GULP1: variants seen among roughly 807,000 people sequenced by gnomAD.
The protein encoded by GULP1 is PTB domain-containing engulfment adapter protein 1.
GULP1 carries 19 observed loss-of-function variants against 40.9 expected under a neutral mutation model. The ratio of observed to expected loss-of-function variants is 0.46; its 90% CI spans 0.32 to 0.68. The LOEUF (loss-of-function observed/expected upper bound fraction) is 0.68, where lower values mean the gene tolerates loss of function less well. Ranked by LOEUF, GULP1 falls within the 30% of genes least tolerant of loss-of-function variation. The pLI is 0.03. For missense variants in GULP1, 312 were observed against 362.2 expected, an observed-to-expected ratio of 0.86 and a Z score of 1.12; for synonymous variants, 119 against 117.6, an observed-to-expected ratio of 1.01 and a Z score of -0.08.
At chr2:188,539,683 T>C (rs1042338388) in intron 6 of GULP1, among the ~76,000 whole-genome samples, 28 of 152,150 alleles carry the variant, frequency 1.8e-4, no homozygotes, top group Admixed American at 1.8e-3. Flanking sequence ...GCTTACCGTT[T>C]GGTTTACCAT....
At chr2:188,483,543 C>A in intron 4 of GULP1, 51 bp downstream of exon 4, 1 of 714,974 alleles carries the variant, frequency 1.4e-6, no homozygotes, top group Non-Finnish European at 2.3e-6. Context: ...AGTATCATTA[C>A]TAATTCATGG....
chr2:188,497,552 G>T (rs1268762984), intron 4 of GULP1, among the ~76,000 whole-genome samples: 1 of 151,688 alleles, frequency 6.6e-6, no homozygotes, highest in East Asian at 1.9e-4. Flanking sequence ...TTTTTTTAAG[G>T]GTATAAATTA....
chr2:188,295,476 G>A (rs2034708214), intron 1 of GULP1, among the ~76,000 whole-genome samples: 1 of 152,032 alleles, frequency 6.6e-6, no homozygotes, highest in Admixed American at 6.6e-5. Context: ...TAATTTATGA[G>A]CCTGTTCATT....
intron 5 of GULP1, among the ~76,000 whole-genome samples, chr2:188,524,881 A>C (rs1376888337): frequency 1.3e-5 from 2 of 151,776 alleles, no homozygotes; most frequent in African/African-American, 4.8e-5. Flanking sequence ...TTTGCCATGT[A>C]AGGTAACATT....
At chr2:188,453,076 C>T (rs2058964314) in intron 2 of GULP1, among the ~76,000 whole-genome samples, 1 of 151,854 alleles carries the variant, frequency 6.6e-6, no homozygotes, top group Non-Finnish European at 1.5e-5. Flanking sequence ...TCTCAGCCTC[C>T]CAAAGTGCTA....
chr2:188,309,647 A>G (rs927814595), intron 1 of GULP1, among the ~76,000 whole-genome samples: 2 of 152,180 alleles, frequency 1.3e-5, no homozygotes, highest in East Asian at 1.9e-4. Flanking sequence ...AGAGTATCCC[A>G]TAGCTTGTCT....
intron 2 of GULP1, among the ~76,000 whole-genome samples, chr2:188,448,832 G>A (rs2058609226): frequency 6.6e-6 from 1 of 152,140 alleles, no homozygotes; most frequent in Non-Finnish European, 1.5e-5. Flanking sequence ...CTCATGAGAT[G>A]TGGTTGTTTA....
At chr2:188,587,223 G>A (rs1250939628) in intron 10 of GULP1, among the ~76,000 whole-genome samples, 1 of 152,044 alleles carries the variant, frequency 6.6e-6, no homozygotes, top group African/African-American at 2.4e-5. Flanking sequence ...CATATGTACA[G>A]AAAGCTTTTT....
At chr2:188,385,347 C>T (rs181291511) in intron 2 of GULP1, among the ~76,000 whole-genome samples, 20 of 152,276 alleles carry the variant, frequency 1.3e-4, no homozygotes, top group Non-Finnish European at 2.6e-4. Flanking sequence ...CACTTTTAGT[C>T]ATGGCTGGAG....
intron 2 of GULP1, among the ~76,000 whole-genome samples, chr2:188,384,969 G>A (rs772322135): frequency 9.2e-5 from 14 of 152,158 alleles, no homozygotes; most frequent in Non-Finnish European, 2.1e-4. Context: ...GGCTGACATT[G>A]AGTGTCTGAG....
At chr2:188,418,599 C>A (rs895126813) in intron 2 of GULP1, among the ~76,000 whole-genome samples, 1 of 152,102 alleles carries the variant, frequency 6.6e-6, no homozygotes, top group African/African-American at 2.4e-5. Flanking sequence ...CACCACTGCA[C>A]TCCAGCCTGG....
At chr2:188,343,316 A>AGGCCGGGCGCGGTGGCTCACGCCTG (rs2043204590) in intron 1 of GULP1, among the ~76,000 whole-genome samples, 5 of 152,174 alleles carry the variant, frequency 3.3e-5, no homozygotes, top group African/African-American at 1.2e-4. Context: ...ACCAAGAAGG[A>AGGCCGGGCGCGGTGGCTCACGCCTG]TAGGTGATCT....
intron 7 of GULP1, among the ~76,000 whole-genome samples, chr2:188,557,592 G>T (rs1397668202): frequency 6.6e-6 from 1 of 152,222 alleles, no homozygotes; most frequent in Non-Finnish European, 1.5e-5. Flanking sequence ...AGCCCTAATG[G>T]CTACTCTCAC....
chr2:188,579,224 G>A (rs991490333), intron 9 of GULP1, among the ~76,000 whole-genome samples: 1 of 152,130 alleles, frequency 6.6e-6, no homozygotes, highest in Non-Finnish European at 1.5e-5. Context: ...TATGGTAGGA[G>A]TGATAAATTT....
At position 188,368,257 on chromosome 2, in the gene GULP1, C is replaced by T. The variant is rs148581230; in HGVS notation, c.-171-15506C>T. Among the ~76,000 whole-genome samples the T allele has an allele frequency of 4.0e-3, 602 of 152,086 alleles. 5 individuals are homozygous for T. Among genetic ancestry groups the T allele is most frequent in the African/African-American group, 0.013 (555 of 41,482 alleles). Reference sequence around the variant, plus strand: ...ACTGAGAAAGAATGTGTTTTTTCTGCGACATTGATGGAACCTATGAATACA... The same window carrying T: ...ACTGAGAAAGAATGTGTTTTTTCTGTGACATTGATGGAACCTATGAATACA... On this transcript the variant is annotated intron_variant, in intron 1 of 11. Coordinates refer to ENST00000409830, the MANE Select transcript of GULP1 (RefSeq NM_016315.4).
intron 4 of GULP1, among the ~76,000 whole-genome samples, chr2:188,498,810 A>G (rs1468881396): frequency 1.3e-5 from 2 of 151,906 alleles, no homozygotes; most frequent in South Asian, 2.1e-4. Flanking sequence ...ACTATATTCA[A>G]AGCATCACTA....
intron 7 of GULP1, among the ~76,000 whole-genome samples, chr2:188,545,136 A>T (rs1313443990): frequency 6.6e-6 from 1 of 151,992 alleles, no homozygotes; most frequent in Non-Finnish European, 1.5e-5. Flanking sequence ...ATCCAGAAAC[A>T]TATTCTTCAG....
At chr2:188,580,354 C>A (rs1262921415) in intron 9 of GULP1, among the ~76,000 whole-genome samples, 1 of 151,910 alleles carries the variant, frequency 6.6e-6, no homozygotes, top group Non-Finnish European at 1.5e-5. Flanking sequence ...GAGATCGAGA[C>A]CATCCCGGCT....
intron 4 of GULP1, among the ~76,000 whole-genome samples, chr2:188,518,689 G>A (rs1483520634): frequency 5.3e-5 from 8 of 152,134 alleles, no homozygotes; most frequent in South Asian, 4.1e-4. Flanking sequence ...CAGGAGAACT[G>A]AGCAGGCACC....
Sources: allele counts gnomAD v4.1 joint callset (sites outside exome capture counted in the v4.1 genomes callset), GRCh38; gene constraint gnomAD v4.1.1; transcripts MANE v1.5; gene names NCBI Gene and HGNC (gene_info 2026-07-23, HGNC 2026-07-21).